AGAP3: variants seen among roughly 807,000 people sequenced by gnomAD.
AGAP3 encodes arf-GAP with GTPase, ANK repeat and PH domain-containing protein 3.
Under a neutral mutation model 96.9 loss-of-function variants are expected in AGAP3, and 24 were observed. That is an observed-to-expected ratio of 0.25 (90% CI 0.18 to 0.35). The LOEUF is 0.35. Ranked by LOEUF, AGAP3 falls within the 10% of genes least tolerant of loss-of-function variation. The pLI, the probability that AGAP3 is intolerant of heterozygous loss-of-function variation, is 1.00. For missense variants in AGAP3, 876 were observed against 1,254.2 expected (o/e 0.70, Z 4.55); for synonymous variants, 563 against 536.1 (o/e 1.05, Z -0.69).
At chr7:151,119,048 T>A in intron 7 of AGAP3, 1 of 216,232 alleles carries the variant, frequency 4.6e-6, no homozygotes, top group South Asian at 9.7e-5. Flanking sequence ...CTGGTTGCAT[T>A]TCAGAGACCC....
intron 11 of AGAP3, among the ~76,000 whole-genome samples, chr7:151,136,943 G>A (rs1356893916): frequency 6.6e-6 from 1 of 152,216 alleles, no homozygotes; most frequent in Admixed American, 6.5e-5. Flanking sequence ...ATGTTTCTTC[G>A]GGGCCTGGAG....
intron 1 of AGAP3, chr7:151,115,170 C>A: frequency 9.8e-7 from 1 of 1,017,850 alleles, no homozygotes; most frequent in Non-Finnish European, 1.2e-6. Flanking sequence ...GGAGGTGAAC[C>A]GCCTGGAGCT....
At chr7:151,116,935 G>T (rs781593615) in intron 2 of AGAP3, 84 bp downstream of exon 2, 5 of 1,575,322 alleles carry the variant, frequency 3.2e-6, no homozygotes, top group Admixed American at 3.4e-5. Context: ...TTGCTTCTCC[G>T]GCTTCTGTCC....
chr7:151,086,440 G>T (rs1488684342), upstream of AGAP3, among the ~76,000 whole-genome samples: 2 of 146,684 alleles, frequency 1.4e-5, no homozygotes, highest in Non-Finnish European at 3.0e-5. Flanking sequence ...CATGACGCGG[G>T]GGGAGGGCCT....
At position 151,128,656 on chromosome 7, in the gene AGAP3, G is replaced by A; in HGVS notation, c.1298G>A (p.Gly433Glu). Residue 433 changes from glycine (G) to glutamate (E), a missense_variant, in exon 10 of 18, where the codon GGG (glycine) becomes GAG (glutamate). Around this residue, in one of 8 missense-constraint regions of AGAP3, gnomAD observed 63 missense variants for 114.5 expected, o/e 0.55. Transcript: ENST00000397238. ...KKKYVTLCDN[G>E]LLTYHPSLHD... ...AAGTATGTGACGCTCTGTGACAACG[G>A]GCTGCTCACCTATCACCCCAGCCTG... is the stretch of plus-strand genomic sequence containing the variant. The A allele has an allele frequency of 6.2e-7, 1 of 1,613,792 alleles. No homozygotes were observed. The highest frequency in any genetic ancestry group is 8.5e-7 in the Non-Finnish European group (1 of 1,179,930).
chr7:151,100,556 G>A (rs938867351), intron 1 of AGAP3, among the ~76,000 whole-genome samples: 18 of 152,332 alleles, frequency 1.2e-4, no homozygotes, highest in Admixed American at 1.1e-3. Flanking sequence ...GCCGGGCCGG[G>A]CACAGTGGTT....
chr7:151,088,222 G>A (rs1798237972), intron 1 of AGAP3, among the ~76,000 whole-genome samples: 1 of 152,250 alleles, frequency 6.6e-6, no homozygotes, highest in Non-Finnish European at 1.5e-5. Context: ...CCCCATAGCC[G>A]GGGAAGAAGT....
At position 151,133,621 on chromosome 7, in the gene AGAP3, T is replaced by C. The variant is rs1327610364; in HGVS notation, c.1327-779T>C. Among the ~76,000 whole-genome samples the C allele has an allele frequency of 6.6e-6, 1 of 152,212 alleles. No individual in the cohort carries two copies. The highest frequency in any genetic ancestry group is 1.5e-5 in the Non-Finnish European group (1 of 68,018). On this transcript the variant is annotated intron_variant, in intron 10 of 17. Coordinates refer to ENST00000397238, the MANE Select transcript of AGAP3 (RefSeq NM_031946.7). This position sits in a 1 kb window ranked among gnomAD's most constrained non-coding sequence, Gnocchi z 5.4. Reference sequence around the variant, plus strand: ...AACCTTGGCTTGAATCTGACTCTGCTACCATTTAATCGTGTGTTCCTGGGC... The same window carrying C: ...AACCTTGGCTTGAATCTGACTCTGCCACCATTTAATCGTGTGTTCCTGGGC...
intron 9 of AGAP3, among the ~76,000 whole-genome samples, chr7:151,125,867 C>T (rs940511379): frequency 6.6e-6 from 1 of 152,246 alleles, no homozygotes; most frequent in Non-Finnish European, 1.5e-5. Flanking sequence ...GGGAACGGGT[C>T]CTCTGGGGGC....
At position 151,141,773 on chromosome 7, in the gene AGAP3, TG is replaced by T; in HGVS notation, c.1805-121del. On this transcript the variant is annotated intron_variant, in intron 13 of 17. Coordinates refer to ENST00000397238, the MANE Select transcript of AGAP3 (RefSeq NM_031946.7). The surrounding 1 kb of genome is among the most constrained non-coding windows in gnomAD (Gnocchi z 4.2). ...GTCCTGGAGTGTGTGGCCTTGCAGC[TG>T]GGGAAGGGTCTAGGGGAGGACACTT... 8.0e-7 allele frequency: 1 copy of T among 1,249,858 alleles called. No individual in the cohort carries two copies. The highest frequency in any genetic ancestry group is 1.5e-5 in the African/African-American group (1 of 67,716). 77.4% of individuals were successfully genotyped at this position (1,249,858 alleles called of 1,614,324 possible). A position where few individuals can be genotyped will look rare whatever the true frequency, so the allele number is the denominator to read the frequency against.
At chr7:151,126,355 C>T (rs1800171937) in intron 9 of AGAP3, among the ~76,000 whole-genome samples, 1 of 58,826 alleles carries the variant, frequency 1.7e-5, no homozygotes, top group Admixed American at 2.1e-4. Context: ...GGGAGCAGAG[C>T]GGAGCAGAGC....
Position 151,120,066 on chromosome 7 carries a change from T to A in AGAP3, c.1049T>A (p.Leu350Gln). Residue 350 changes from leucine (L) to glutamine (Q), a missense_variant, in exon 8 of 18, where the codon CTG (leucine) becomes CAG (glutamine). By Grantham distance (113) the Leu-to-Gln change is moderately radical. Coordinates refer to ENST00000397238, the MANE Select transcript of AGAP3 (RefSeq NM_031946.7). ...PSTPSISQRE[L>Q]RIETIAASST... The stretch of plus-strand genomic sequence containing the variant: ...ACCCCCAGCATCAGCCAGCGGGAGC[T>A]GCGCATCGAGACCATCGCTGCCTCC... 3.7e-6 allele frequency: 6 copies of A among 1,613,912 alleles called. No homozygotes were observed. The highest frequency in any genetic ancestry group is 5.1e-6 in the Non-Finnish European group (6 of 1,179,902).
intron 1 of AGAP3, chr7:151,115,673 G>C: frequency 8.8e-7 from 1 of 1,132,954 alleles, no homozygotes; most frequent in Non-Finnish European, 1.1e-6. Flanking sequence ...GCGTCTGGCA[G>C]AAAACAGCTC....
chr7:151,115,206 G>T, intron 1 of AGAP3: 2 of 1,001,750 alleles, frequency 2.0e-6, no homozygotes, highest in Non-Finnish European at 2.4e-6. Context: ...GCCGGGCGCG[G>T]GTCTGGGGCG....
chr7:151,135,928 C>G (rs927413337), intron 11 of AGAP3, among the ~76,000 whole-genome samples: 3 of 152,096 alleles, frequency 2.0e-5, no homozygotes, highest in South Asian at 2.1e-4. Flanking sequence ...TCTAAGCCAC[C>G]CTGAGCTCAG....
At chr7:151,122,641 G>A in intron 8 of AGAP3, 2 of 1,544,854 alleles carry the variant, frequency 1.3e-6, no homozygotes, top group South Asian at 1.2e-5. Context: ...CAGGCGCCTG[G>A]GTCTCTGCCC....
At position 151,111,141 on chromosome 7, in the gene AGAP3, G is replaced by T. The variant is rs1178612733; in HGVS notation, c.332-5652G>T. Among the ~76,000 whole-genome samples, 6 of 152,194 alleles carry T rather than the reference G, an allele frequency of 3.9e-5. No homozygotes were observed. The South Asian group carries it at 1.0e-3, about 26-fold the overall frequency. ...CTTGGTGTGGCCCCCACTGCCTCCCGGGCTCAGTGGCGGGTGTGTGGCCAG... is the reference window on the plus strand; with the variant it reads ...CTTGGTGTGGCCCCCACTGCCTCCCTGGCTCAGTGGCGGGTGTGTGGCCAG... On this transcript the variant is annotated intron_variant, in intron 1 of 17. Coordinates refer to ENST00000397238, the MANE Select transcript of AGAP3 (RefSeq NM_031946.7).
At position 151,134,285 on chromosome 7, in the gene AGAP3, G is replaced by C. The variant is rs1364343966; in HGVS notation, c.1327-115G>C. On this transcript the variant is annotated intron_variant, in intron 10 of 17. Transcript: ENST00000397238. ...TGTGGCTTAGAATCCTGCTTTTCAA[G>C]ATTGGAGCCTTCCCTCTCCTCCCAC... is the stretch of plus-strand genomic sequence containing the variant. 2.5e-6 allele frequency: 3 copies of C among 1,210,754 alleles called. No homozygotes were observed. In the East Asian group the frequency reaches 7.1e-5, roughly 29 times the overall value. The allele number at this position is 1,210,754 out of a possible 1,614,324, so 75.0% of individuals were successfully genotyped here. A position where few individuals can be genotyped will look rare whatever the true frequency, so the allele number is the denominator to read the frequency against.
At chr7:151,125,395 T>TG (rs1464695876) in intron 9 of AGAP3, among the ~76,000 whole-genome samples, 3 of 152,146 alleles carry the variant, frequency 2.0e-5, no homozygotes, top group African/African-American at 4.8e-5. Flanking sequence ...AACTTGAACC[T>TG]GGGGTTCTGG....
Sources: gnomAD v4.1 joint callset for allele counts (sites outside exome capture counted in the v4.1 genomes callset) on GRCh38, gnomAD v4.1.1 for gene constraint, gnomAD v4.1.1 regional missense constraint, Gnocchi (gnomAD v3.1) non-coding constraint, MANE v1.5 for transcripts, NCBI Gene and HGNC (gene_info 2026-07-23, HGNC 2026-07-21) for gene names.